Variants in SMC2 observed in about 807,000 individuals in gnomAD.
SMC2 encodes structural maintenance of chromosomes protein 2.
SMC2 carries 41 observed loss-of-function variants against 142.6 expected under a neutral mutation model. The observed-to-expected ratio is 0.29, with a 90% CI of 0.22 to 0.37. SMC2 has a LOEUF of 0.37. SMC2 is among the 10% of genes least tolerant of loss of function. SMC2 has a pLI of 1.00. For synonymous variants in SMC2, 463 were observed against 457.5 expected, an observed-to-expected ratio of 1.01 and a Z score of -0.15; for missense variants, 1,265 against 1,373.7, an observed-to-expected ratio of 0.92 and a Z score of 1.25.
At position 104,127,239 on chromosome 9, in the gene SMC2, T is replaced by C. The variant is rs189342845; in HGVS notation, c.2596-47T>C. 5.2e-5 allele frequency: 74 copies of C among 1,410,200 alleles called. No individual in the cohort carries two copies. The Admixed American group carries it at 6.5e-4, about 12-fold the overall frequency. The allele number at this position is 1,410,200 out of a possible 1,614,324, so 87.4% of individuals were successfully genotyped here. On this transcript the variant is annotated intron_variant, in intron 19 of 24. Transcript: ENST00000374793. ...ATAATTGTTTAGTAAATTAAAATTATTTACATGTTACCTCACCACATATTT... is the reference window on the plus strand; with the variant it reads ...ATAATTGTTTAGTAAATTAAAATTACTTACATGTTACCTCACCACATATTT...
chr9:104,117,780 C>T (rs1197083706), intron 14 of SMC2, among the ~76,000 whole-genome samples: 1 of 152,014 alleles, frequency 6.6e-6, no homozygotes, highest in Non-Finnish European at 1.5e-5. Context: ...TACAAATATA[C>T]CAAAATCTGA....
chr9:104,095,317 C>A lies in SMC2; in HGVS notation c.-61-7C>A. On this transcript the variant is annotated splice_region_variant and splice_polypyrimidine_tract_variant and intron_variant, in intron 1 of 24. Transcript: ENST00000374793. ...CACTTAGGTGGTGGTATTTCTGTTT[C>A]GTACAGAACTGGTTTGTGGCCTGTT... 7.7e-7 allele frequency: 1 copy of A among 1,292,792 alleles called. No homozygotes were observed. The allele number at this position is 1,292,792 out of a possible 1,614,324, so 80.1% of individuals were successfully genotyped here.
chr9:104,094,551 G>T, intron 1 of SMC2, 74 bp downstream of exon 1: 1 of 366,298 alleles, frequency 2.7e-6, no homozygotes, highest in Non-Finnish European at 4.9e-6. Context: ...GCGGGAGGCG[G>T]GGCGCGGGGC....
chr9:104,130,780 A>G (rs575439758), intron 21 of SMC2, among the ~76,000 whole-genome samples: 1 of 152,186 alleles, frequency 6.6e-6, no homozygotes. Flanking sequence ...GATCTGCATA[A>G]CATGAAACTT....
At position 104,113,352 on chromosome 9, in the gene SMC2, A is replaced by G; in HGVS notation, c.1291A>G (p.Lys431Glu). 4 of 1,611,086 alleles carry G rather than the reference A, an allele frequency of 2.5e-6. No homozygotes were observed. The highest frequency in any genetic ancestry group is 3.4e-6 in the Non-Finnish European group (4 of 1,178,652). The change falls in exon 11 of 25, where the codon AAG (lysine) becomes GAG (glutamate). Residue 431 changes from lysine (K) to glutamate (E), a missense_variant. This residue lies in a region of SMC2 where 898 missense variants were observed against 904.2 expected (regional missense o/e 0.99). Coordinates refer to ENST00000374793, the MANE Select transcript of SMC2 (RefSeq NM_006444.3). Reference protein sequence around the residue: ...MKLKHAQQELKNKQAEVKKMD... With the variant: ...MKLKHAQQELENKQAEVKKMD... The stretch of plus-strand genomic sequence containing the variant: ...GTTGAAGCATGCTCAACAGGAATTA[A>G]AGAATAAACAAGCTGAAGTTAAGAA...
rs1482395292 is a variant in SMC2, at chr9:104,141,104, C to T, written c.*1789C>T. 1.3e-5 allele frequency: 2 copies of T among 152,164 alleles called. No individual in the cohort carries two copies. Among genetic ancestry groups the T allele is most frequent in the African/African-American group, 2.4e-5 (1 of 41,440 alleles). 9.4% of individuals were successfully genotyped at this position (152,164 alleles called of 1,614,324 possible). ...GGGGATTGGGGACATTTGTTTCACACATCTGCAGTAATATGAGTTAACTAA... is the reference window on the plus strand; with the variant it reads ...GGGGATTGGGGACATTTGTTTCACATATCTGCAGTAATATGAGTTAACTAA... On this transcript the variant is annotated 3_prime_UTR_variant, in exon 25 of 25. Transcript: ENST00000374793.
intron 3 of SMC2, among the ~76,000 whole-genome samples, chr9:104,096,814 C>G (rs565335458): frequency 2.9e-4 from 44 of 152,278 alleles, no homozygotes; most frequent in African/African-American, 1.0e-3. Flanking sequence ...CTTGCCAGGT[C>G]TTTCACTTGA....
At chr9:104,106,473 G>T (rs1034647937) in intron 9 of SMC2, among the ~76,000 whole-genome samples, 1 of 151,900 alleles carries the variant, frequency 6.6e-6, no homozygotes, top group East Asian at 1.9e-4. Context: ...ACTACAACTT[G>T]CACTCCACCC....
intron 7 of SMC2, among the ~76,000 whole-genome samples, chr9:104,100,732 A>G (rs1281578982): frequency 1.3e-5 from 2 of 152,224 alleles, no homozygotes; most frequent in Non-Finnish European, 2.9e-5. Flanking sequence ...ATTGACTGGA[A>G]CAACATTTCT....
At chr9:104,123,317 G>C (rs923640294) in intron 17 of SMC2, 85 bp downstream of exon 17, 2 of 1,345,582 alleles carry the variant, frequency 1.5e-6, no homozygotes, top group Non-Finnish European at 2.0e-6. Flanking sequence ...CCTGTGCTAT[G>C]TTTAAGATAT....
chr9:104,102,649 C>G, intron 9 of SMC2, 76 bp downstream of exon 9: 1 of 1,387,130 alleles, frequency 7.2e-7, no homozygotes, highest in Non-Finnish European at 9.6e-7. Flanking sequence ...TTATCTATTC[C>G]ATGAATATTT....
At chr9:104,115,270 T>C (rs1210698854) in intron 13 of SMC2, among the ~76,000 whole-genome samples, 3 of 151,368 alleles carry the variant, frequency 2.0e-5, no homozygotes, top group African/African-American at 7.3e-5. Flanking sequence ...TTATTTTATA[T>C]ATATATTTAA....
upstream of SMC2, chr9:104,094,232 C>T: frequency 2.5e-6 from 1 of 397,026 alleles, no homozygotes; most frequent in Non-Finnish European, 4.4e-6. Flanking sequence ...AAATTGAACC[C>T]TAAAGACAGG....
At chr9:104,125,232 T>G in intron 18 of SMC2, 127 bp downstream of exon 18, 1 of 680,158 alleles carries the variant, frequency 1.5e-6, no homozygotes, top group South Asian at 2.6e-5. Flanking sequence ...GCAGTGTTCT[T>G]TGGAAACAAA....
chr9:104,113,500 C>A lies in SMC2; in HGVS notation c.1414+25C>A, dbSNP rs753985445. 5.1e-6 allele frequency: 8 copies of A among 1,560,480 alleles called. No homozygotes were observed. The African/African-American group carries it at 5.5e-5, about 11-fold the overall frequency. ...GGTTTGCCTTTAAAAACATGATAAT[C>A]AGATCATGAGGAGGTAGTGATTTTT... On this transcript the variant is annotated intron_variant, in intron 11 of 24. Transcript: ENST00000374793.
chr9:104,100,459 T>A, intron 7 of SMC2, 26 bp downstream of exon 7: 5 of 1,365,676 alleles, frequency 3.7e-6, no homozygotes, highest in Middle Eastern at 1.8e-4. Flanking sequence ...GTGAGGATAA[T>A]CTATTAGAAT....
At chr9:104,092,664 AT>A (rs1320547137), upstream of SMC2, 2 of 152,250 alleles carry the variant, frequency 1.3e-5, no homozygotes, top group Non-Finnish European at 2.9e-5. Context: ...GTGGATAAGC[AT>A]ACCAGAGTAA....
intron 18 of SMC2, among the ~76,000 whole-genome samples, chr9:104,126,113 T>TATGAGAATCTAATGCGTGATG (rs1283864515): frequency 1.3e-5 from 2 of 152,102 alleles, no homozygotes; most frequent in African/African-American, 4.8e-5. Flanking sequence ...GCATATTCCT[T>TATGAGAATCTAATGCGTGATG]ATGAGAATCT....
rs1046241661 is a variant in SMC2, at chr9:104,096,242, A to G, written c.263A>G (p.Lys88Arg). The G allele has an allele frequency of 6.2e-7, 1 of 1,614,092 alleles. No homozygotes were observed. Among genetic ancestry groups the G allele is most frequent in the African/African-American group, 1.3e-5 (1 of 74,956 alleles). ...SVSITFDNSD[K>R]KQSPLGFEVH... ...TCAATCACTTTTGATAATTCTGACA[A>G]AAAGCAAAGTCCTTTAGGATTTGAG... Residue 88 changes from lysine to arginine, a missense_variant, in exon 3 of 25, where the codon AAA becomes AGA. This residue lies in a region of SMC2 where 168 missense variants were observed against 184.8 expected (regional missense o/e 0.91). Coordinates refer to ENST00000374793, the MANE Select transcript of SMC2 (RefSeq NM_006444.3).
Sources: allele counts gnomAD v4.1 joint callset (sites outside exome capture counted in the v4.1 genomes callset), GRCh38; gene constraint gnomAD v4.1.1; regional missense constraint gnomAD v4.1.1; transcripts MANE v1.5; gene names NCBI Gene and HGNC (gene_info 2026-07-23, HGNC 2026-07-21).